The following C2orf78 variants were observed in gnomAD, a reference collection of about 807,000 sequenced individuals.
C2orf78 encodes the protein chromosome 2 open reading frame 78.
C2orf78 carries 12 observed loss-of-function variants against 21.4 expected under a neutral mutation model. The ratio of observed to expected loss-of-function variants is 0.56; its 90% CI spans 0.36 to 0.91. C2orf78 has a LOEUF of 0.91. Ranked by LOEUF, C2orf78 falls within the 40% of genes least tolerant of loss-of-function variation. C2orf78 has a pLI of 0.01. For synonymous variants in C2orf78, 396 were observed against 413.9 expected (o/e 0.96, Z 0.52); for missense variants, 1,042 against 1,092.4 (o/e 0.95, Z 0.65).
chr2:73,811,346 C>T (rs947282616), intron 1 of C2orf78, among the ~76,000 whole-genome samples: 2 of 151,970 alleles, frequency 1.3e-5, no homozygotes, highest in African/African-American at 4.8e-5. Context: ...TAAGTGGTTA[C>T]CTAGAGAGCT....
rs781056663 is a variant in C2orf78, at chr2:73,817,007, G to C, written c.*15G>C. ...ACACAATCTAAGAGCTGAGATTGTTGGTTTTACTTTGGATACCGCTGGTTT... is the reference window on the plus strand; with the variant it reads ...ACACAATCTAAGAGCTGAGATTGTTCGTTTTACTTTGGATACCGCTGGTTT... On this transcript the variant is annotated 3_prime_UTR_variant, in exon 3 of 3. Coordinates refer to ENST00000409561, the Ensembl canonical transcript of C2orf78. 5.0e-6 allele frequency: 8 copies of C among 1,592,868 alleles called. No homozygotes were observed. The East Asian group carries it at 1.4e-4, about 27-fold the overall frequency.
chr2:73,813,394 A>G, intron 1 of C2orf78, 83 bp from the exon 2 acceptor site: 1 of 1,364,428 alleles, frequency 7.3e-7, no homozygotes, highest in Non-Finnish European at 9.7e-7. Flanking sequence ...GATTGCAACA[A>G]CCTTAAGATA....
intron 1 of C2orf78, among the ~76,000 whole-genome samples, chr2:73,810,943 G>A (rs1673076845): frequency 7.2e-6 from 1 of 138,932 alleles, no homozygotes; most frequent in Non-Finnish European, 1.5e-5. Flanking sequence ...ATAAATGTAT[G>A]TTATATATAA....
chr2:73,808,143 A>G (rs1288276200), intron 1 of C2orf78, among the ~76,000 whole-genome samples: 2 of 151,000 alleles, frequency 1.3e-5, no homozygotes, highest in South Asian at 2.1e-4. Context: ...AGTCCCAGCT[A>G]CTAAGGAGTC....
At chr2:73,816,296 C>T (rs768951346) in exon 3 of C2orf78, 1 of 1,613,822 alleles carries the variant, frequency 6.2e-7, no homozygotes. Context: ...AAGTCAAGGC[C>T]CAGAAACTAG....
intron 1 of C2orf78, among the ~76,000 whole-genome samples, chr2:73,812,502 T>A (rs980014667): frequency 6.6e-6 from 1 of 152,164 alleles, no homozygotes; most frequent in Admixed American, 6.5e-5. Context: ...GCTTTTTTCT[T>A]TCAAAAAGCA....
At chr2:73,815,548 C>A in exon 3 of C2orf78, 2 of 1,613,932 alleles carry the variant, frequency 1.2e-6, no homozygotes, top group Non-Finnish European at 1.7e-6. Flanking sequence ...AGTGATTTGG[C>A]AGACATCACT....
exon 2 of C2orf78, chr2:73,814,111 A>G: frequency 6.2e-7 from 1 of 1,612,994 alleles, no homozygotes; most frequent in Non-Finnish European, 8.5e-7. Flanking sequence ...CCCATCAACC[A>G]GAAATGGTGA....
At chr2:73,809,553 G>A (rs1180886909) in intron 1 of C2orf78, among the ~76,000 whole-genome samples, 1 of 151,964 alleles carries the variant, frequency 6.6e-6, no homozygotes, top group African/African-American at 2.4e-5. Flanking sequence ...GGGAGCCTGA[G>A]GTGGGAGGAT....
chr2:73,785,671 G>A (rs1359567652), intron 1 of C2orf78, among the ~76,000 whole-genome samples: 2 of 152,086 alleles, frequency 1.3e-5, no homozygotes, highest in Admixed American at 1.3e-4. Context: ...CAGCTTATCA[G>A]AAGTCATATT....
At chr2:73,810,969 CATAT>C (rs35395110) in intron 1 of C2orf78, among the ~76,000 whole-genome samples, 2 of 136,128 alleles carry the variant, frequency 1.5e-5, no homozygotes, top group African/African-American at 2.7e-5. Flanking sequence ...ATGTATATTT[CATAT>C]ATATATATAT....
At chr2:73,816,344 C>T (rs756928754) in exon 3 of C2orf78, 2 of 1,613,896 alleles carry the variant, frequency 1.2e-6, no homozygotes, top group Admixed American at 1.7e-5. Context: ...CTCCATCCCA[C>T]TCTGAGTTGC....
chr2:73,808,874 G>T (rs1398162490), intron 1 of C2orf78: 2 of 1,296,496 alleles, frequency 1.5e-6, no homozygotes, highest in African/African-American at 1.5e-5. Context: ...ATCTGCAGTT[G>T]ATGTTTCTTC....
intron 1 of C2orf78, among the ~76,000 whole-genome samples, chr2:73,809,983 A>G (rs1418139849): frequency 6.6e-6 from 1 of 152,102 alleles, no homozygotes; most frequent in East Asian, 1.9e-4. Context: ...TGACGAAATG[A>G]TTTTAAAATA....
intron 1 of C2orf78, among the ~76,000 whole-genome samples, chr2:73,809,341 T>C (rs557019925): frequency 1.3e-5 from 2 of 152,250 alleles, no homozygotes; most frequent in East Asian, 3.9e-4. Context: ...GTATTTTAAA[T>C]TTAGTGATGT....
At chr2:73,810,936 A>C (rs113143805) in intron 1 of C2orf78, among the ~76,000 whole-genome samples, 11 of 142,146 alleles carry the variant, frequency 7.7e-5, no homozygotes, top group African/African-American at 2.6e-4. Context: ...ATATAATATA[A>C]ATGTATGTTA....
chr2:73,813,949 A>G, exon 2 of C2orf78: 1 of 1,614,050 alleles, frequency 6.2e-7, no homozygotes, highest in Middle Eastern at 1.6e-4. Context: ...AGGGGACACT[A>G]ACTCAAATTC....
At chr2:73,808,832 A>G (rs1283175040) in intron 1 of C2orf78, 2 of 1,363,054 alleles carry the variant, frequency 1.5e-6, no homozygotes, top group East Asian at 2.5e-5. Flanking sequence ...AGCCACCCAG[A>G]CATCCGCTAG....
chr2:73,814,564 C>A (rs1673154602), intron 2 of C2orf78, among the ~76,000 whole-genome samples: 1 of 152,168 alleles, frequency 6.6e-6, no homozygotes, highest in Admixed American at 6.5e-5. Flanking sequence ...GAAGGCACTT[C>A]AGAACTCTTA....
Sources: gnomAD v4.1 joint callset for allele counts (sites outside exome capture counted in the v4.1 genomes callset) on GRCh38, gnomAD v4.1.1 for gene constraint, MANE v1.5 for transcripts, NCBI Gene and HGNC (gene_info 2026-07-23, HGNC 2026-07-21) for gene names.